Variants in CLASP1 observed in about 807,000 individuals in gnomAD.
CLASP1 encodes CLIP-associating protein 1.
CLASP1 carries 38 observed loss-of-function variants against 192.3 expected under a neutral mutation model. The ratio of observed to expected loss-of-function variants is 0.20; its 90% CI spans 0.15 to 0.26. The LOEUF (loss-of-function observed/expected upper bound fraction) is 0.26, where lower values mean the gene tolerates loss of function less well. Among genes scored for constraint, CLASP1 ranks in the 10% least tolerant of loss-of-function variants. The pLI is 1.00. For synonymous variants in CLASP1, 691 were observed against 712.8 expected, an observed-to-expected ratio of 0.97 and a Z score of 0.49; for missense variants, 1,433 against 1,932.5, an observed-to-expected ratio of 0.74 and a Z score of 4.85.
At chr2:121,364,651 C>T (rs1240921555) in intron 36 of CLASP1, 6 of 172,612 alleles carry the variant, frequency 3.5e-5, no homozygotes, top group East Asian at 1.5e-4. Context: ...GAACTCTTAA[C>T]ATATGTAGGG....
At chr2:121,470,293 CTTTTTTTTTTT>C (rs70954550) in intron 8 of CLASP1, 44,867 of 301,036 alleles carry the variant, frequency 0.15, 3,706 homozygotes, top group African/African-American at 0.5. Flanking sequence ...ACCATCCATG[CTTTTTTTTTTT>C]TTTTTTTTTT....
At chr2:121,637,269 G>C (rs1016054219) in intron 1 of CLASP1, among the ~76,000 whole-genome samples, 3 of 152,144 alleles carry the variant, frequency 2.0e-5, no homozygotes, top group African/African-American at 4.8e-5. Context: ...TAAGGAAAGA[G>C]GAGAGGTTGA....
chr2:121,632,596 G>A (rs1439701476), intron 1 of CLASP1, among the ~76,000 whole-genome samples: 4 of 151,988 alleles, frequency 2.6e-5, no homozygotes, highest in Non-Finnish European at 5.9e-5. Context: ...GATACATGAA[G>A]TTTAAAAAAA....
chr2:121,363,897 T>C (rs2066884066), intron 36 of CLASP1, among the ~76,000 whole-genome samples: 1 of 152,084 alleles, frequency 6.6e-6, no homozygotes. Context: ...AAAGAGAACG[T>C]AGTTTACACC....
intron 14 of CLASP1, among the ~76,000 whole-genome samples, chr2:121,456,540 A>G (rs1469076028): frequency 6.6e-6 from 1 of 151,850 alleles, no homozygotes; most frequent in African/African-American, 2.4e-5. Flanking sequence ...AGAAAAGGAA[A>G]AAAAGGAAGA....
chr2:121,431,746 GTTT>G (rs531841516), intron 19 of CLASP1, among the ~76,000 whole-genome samples: 3 of 135,040 alleles, frequency 2.2e-5, no homozygotes, highest in African/African-American at 8.2e-5. Context: ...CATTCCCTTG[GTTT>G]TTTTTTTTTT....
Position 121,594,479 on chromosome 2 carries a change from G to A in CLASP1, c.195+11222C>T, listed in dbSNP as rs537915866. Among the ~76,000 whole-genome samples, 29 of 150,168 alleles carry A rather than the reference G, an allele frequency of 1.9e-4. 1 individual carries two copies. In the South Asian group the frequency reaches 6.0e-3, roughly 31 times the overall value. On this transcript the variant is annotated intron_variant, in intron 2 of 39. Transcript: ENST00000263710. ...ATGATCTCAGGTCACTGCAACCTCC[G>A]CCTCCCGGGTTCACACCATTCTCCT...
intron 6 of CLASP1, among the ~76,000 whole-genome samples, chr2:121,518,400 C>T (rs1175983122): frequency 6.6e-6 from 1 of 151,878 alleles, no homozygotes; most frequent in Non-Finnish European, 1.5e-5. Context: ...CATCTACAAG[C>T]CAGGAAGAGA....
exon 7 of CLASP1, chr2:121,515,671 T>C (rs574686823): frequency 1.2e-6 from 2 of 1,613,768 alleles, no homozygotes; most frequent in Non-Finnish European, 1.7e-6. Flanking sequence ...TCACCGGGAC[T>C]GTGGCAATCC....
At chr2:121,491,699 A>C in intron 8 of CLASP1, among the ~76,000 whole-genome samples, 1 of 152,236 alleles carries the variant, frequency 6.6e-6, no homozygotes, top group East Asian at 1.9e-4. Context: ...TCATATTCTC[A>C]CCATTCAAAG....
exon 40 of CLASP1, chr2:121,340,938 G>A (rs2062703463): frequency 6.2e-7 from 1 of 1,603,264 alleles, no homozygotes; most frequent in African/African-American, 1.3e-5. Context: ...TATAAGTTTA[G>A]TAGCTTCATC....
Position 121,418,731 on chromosome 2 carries a change from T to C in CLASP1, c.2213-2A>G. The C allele has an allele frequency of 6.2e-7, 1 of 1,604,054 alleles. No homozygotes were observed. Among genetic ancestry groups the C allele is most frequent in the Non-Finnish European group, 8.5e-7 (1 of 1,171,320 alleles). The stretch of plus-strand genomic sequence containing the variant: ...GTCGAGGGATACGGCTGCTCCGTGC[T>C]AGCGTGCAGCATGAAGGGTTTCAGA... On this transcript the variant is annotated splice_acceptor_variant, in intron 22 of 39. Coordinates refer to ENST00000263710, the Ensembl canonical transcript of CLASP1. LOFTEE classifies it high-confidence loss of function.
At chr2:121,617,410 T>C (rs879611658) in intron 1 of CLASP1, among the ~76,000 whole-genome samples, 1 of 152,192 alleles carries the variant, frequency 6.6e-6, no homozygotes, top group Non-Finnish European at 1.5e-5. Flanking sequence ...ATGCCTTTCA[T>C]CAATGACACC....
At chr2:121,385,947 G>T (rs189151644) in intron 32 of CLASP1, among the ~76,000 whole-genome samples, 29 of 152,308 alleles carry the variant, frequency 1.9e-4, no homozygotes, top group Middle Eastern at 3.4e-3. Context: ...CTGGAGACAT[G>T]ATATCACATT....
rs866540425 is a variant in CLASP1 at position 121,367,790 on chromosome 2, G to C, written c.3684C>G (p.Gly1228=). 4 of 1,613,802 alleles carry C rather than the reference G, an allele frequency of 2.5e-6. No individual in the cohort carries two copies. The Middle Eastern group carries it at 5.0e-4, about 200-fold the overall frequency. The change falls in exon 35 of 40, where the codon GGC becomes GGG. Residue 1228 remains glycine, a synonymous_variant. Coordinates refer to ENST00000263710, the Ensembl canonical transcript of CLASP1. ...CTCCTTCTACTTCACTACCCCCCCG[G>C]CCCTCAGTGGCAGGGGAGGCAGCGC...
intron 24 of CLASP1, chr2:121,407,959 C>A: frequency 1.7e-6 from 1 of 598,648 alleles, no homozygotes. Flanking sequence ...AGTGCGTAGA[C>A]TTTACAGGAA....
chr2:121,587,624 G>A (rs2061872643), intron 2 of CLASP1, among the ~76,000 whole-genome samples: 1 of 152,062 alleles, frequency 6.6e-6, no homozygotes. Context: ...GAGGTCAGGA[G>A]GTTCGAGACT....
rs539537439 is a variant in CLASP1 at position 121,353,422 on chromosome 2, G to A, written c.4207-4704C>T. 2.2e-3 allele frequency among the ~76,000 whole-genome samples: 334 copies of A among 152,232 alleles called. 1 individual carries two copies. The highest frequency in any genetic ancestry group is 6.5e-3 in the African/African-American group (270 of 41,554). ...CCAGTGCCAACATCATGATGGGTAT[G>A]CCCTCTCCAATGACCTCTAAGATGC... On this transcript the variant is annotated intron_variant, in intron 37 of 39. Transcript: ENST00000263710.
At chr2:121,469,679 A>T (rs2090317618) in intron 9 of CLASP1, 129 bp downstream of exon 9, 2 of 825,980 alleles carry the variant, frequency 2.4e-6, no homozygotes, top group Non-Finnish European at 3.6e-6. Flanking sequence ...ATTAAAGAAT[A>T]GCAGGCAGAA....
Sources: allele counts gnomAD v4.1 joint callset (sites outside exome capture counted in the v4.1 genomes callset), GRCh38; gene constraint gnomAD v4.1.1; transcripts MANE v1.5; gene names NCBI Gene and HGNC (gene_info 2026-07-23, HGNC 2026-07-21).